The following MACROD2 variants were observed in gnomAD, a reference collection of about 807,000 sequenced individuals.
MACROD2 encodes mono-ADP ribosylhydrolase 2, also known as ADP-ribose glycohydrolase MACROD2.
Under a neutral mutation model 70.4 loss-of-function variants are expected in MACROD2, and 36 were observed. The ratio of observed to expected loss-of-function variants is 0.51; its 90% CI spans 0.39 to 0.68. MACROD2 has a LOEUF of 0.68. Ranked by LOEUF, MACROD2 falls within the 30% of genes least tolerant of loss-of-function variation. The pLI, the probability that MACROD2 is intolerant of heterozygous loss-of-function variation, is 0.00. For missense variants in MACROD2, 496 were observed against 538.4 expected (o/e 0.92, Z 0.78); for synonymous variants, 172 against 178.8 (o/e 0.96, Z 0.30).
At chr20:15,634,509 T>C (rs2049336060) in intron 8 of MACROD2, among the ~76,000 whole-genome samples, 1 of 152,210 alleles carries the variant, frequency 6.6e-6, no homozygotes, top group Admixed American at 6.5e-5. Flanking sequence ...ACGCATCTGA[T>C]CCCATGTGGC....
chr20:15,525,413 G>T (rs1321850245), intron 8 of MACROD2, among the ~76,000 whole-genome samples: 1 of 152,162 alleles, frequency 6.6e-6, no homozygotes, highest in Admixed American at 6.5e-5. Context: ...CTTTACAACA[G>T]TATGTCCAGT....
intron 3 of MACROD2, among the ~76,000 whole-genome samples, chr20:14,153,227 T>C (rs2055049687): frequency 6.6e-6 from 1 of 152,078 alleles, no homozygotes; most frequent in Non-Finnish European, 1.5e-5. Context: ...AGTAGTAAGG[T>C]GTGATTGCTT....
rs11478951 is a variant in MACROD2 at position 15,334,582 on chromosome 20, ATTT to A, written c.541-96817_541-96815del. Among the ~76,000 whole-genome samples the A allele has an allele frequency of 4.1e-3, 614 of 148,888 alleles. 11 individuals are homozygous for A. Among genetic ancestry groups the A allele is most frequent in the East Asian group, 0.011 (53 of 4,956 alleles). On this transcript the variant is annotated intron_variant, in intron 6 of 17. Coordinates refer to ENST00000684519, the MANE Select transcript of MACROD2 (RefSeq NM_001351661.2). ...GAGACAATCAAGTGGGGGAAAAATG[ATTT>A]TTTTTAAAAAAAAACTGCAAAGTGC...
intron 8 of MACROD2, among the ~76,000 whole-genome samples, chr20:15,810,108 T>C (rs550306742): frequency 1.0e-3 from 149 of 149,276 alleles, no homozygotes; most frequent in African/African-American, 3.7e-3. Context: ...AGTGAGAACA[T>C]GTGGTGTTTG....
At chr20:15,087,101 C>T (rs2075754622) in intron 5 of MACROD2, among the ~76,000 whole-genome samples, 1 of 151,596 alleles carries the variant, frequency 6.6e-6, no homozygotes, top group Non-Finnish European at 1.5e-5. Context: ...TTTATTATCT[C>T]TCTTATTTAT....
intron 4 of MACROD2, among the ~76,000 whole-genome samples, chr20:14,681,605 A>G (rs2070933430): frequency 1.3e-5 from 2 of 152,160 alleles, no homozygotes; most frequent in African/African-American, 4.8e-5. Flanking sequence ...AATTGAATGG[A>G]AAGGGCACAA....
At chr20:15,088,397 TTATATATATATATATATATATATATATA>T (rs71190173) in intron 5 of MACROD2, among the ~76,000 whole-genome samples, 25 of 111,140 alleles carry the variant, frequency 2.2e-4, no homozygotes, top group African/African-American at 6.3e-4. Flanking sequence ...ATACTATATT[TTATATATATATATATATATATATATATA>T]TATATATATA....
chr20:14,180,540 G>A (rs1238642316), intron 3 of MACROD2, among the ~76,000 whole-genome samples: 1 of 151,896 alleles, frequency 6.6e-6, no homozygotes, highest in Non-Finnish European at 1.5e-5. Flanking sequence ...AAACTTATAC[G>A]AATTTTTTAA....
At chr20:14,016,355 T>C (rs1034475585) in intron 2 of MACROD2, among the ~76,000 whole-genome samples, 14 of 152,218 alleles carry the variant, frequency 9.2e-5, no homozygotes, top group Non-Finnish European at 1.8e-4. Flanking sequence ...TCTCACACTT[T>C]GTGGGTCGTC....
intron 3 of MACROD2, among the ~76,000 whole-genome samples, chr20:14,364,522 A>G (rs908484985): frequency 1.3e-5 from 2 of 152,168 alleles, no homozygotes; most frequent in African/African-American, 4.8e-5. Context: ...AGTGTTATGC[A>G]ACCACCGCCT....
chr20:16,033,400 A>G (rs1285634361), intron 15 of MACROD2, among the ~76,000 whole-genome samples: 1 of 152,140 alleles, frequency 6.6e-6, no homozygotes, highest in African/African-American at 2.4e-5. Context: ...ATTAAGCTTC[A>G]TACATAGTAG....
intron 8 of MACROD2, among the ~76,000 whole-genome samples, chr20:15,816,320 A>G (rs1008780593): frequency 1.3e-5 from 2 of 152,238 alleles, no homozygotes; most frequent in African/African-American, 4.8e-5. Flanking sequence ...TGACTTTTGT[A>G]TGCTAGGTCA....
intron 8 of MACROD2, among the ~76,000 whole-genome samples, chr20:15,671,792 T>C (rs1172689948): frequency 6.6e-6 from 1 of 152,186 alleles, no homozygotes; most frequent in Non-Finnish European, 1.5e-5. Context: ...ACAAGTGAGG[T>C]TGAGTCTGTG....
intron 10 of MACROD2, among the ~76,000 whole-genome samples, chr20:15,920,590 C>G (rs1445664918): frequency 6.6e-6 from 1 of 152,044 alleles, no homozygotes; most frequent in African/African-American, 2.4e-5. Context: ...TCACTGTAAG[C>G]CAGAATGTCC....
intron 8 of MACROD2, among the ~76,000 whole-genome samples, chr20:15,846,911 T>TATATATA (rs1491315029): frequency 3.6e-5 from 5 of 138,162 alleles, no homozygotes; most frequent in African/African-American, 1.4e-4. Context: ...AAAAAAAAAA[T>TATATATA]TATATATATA....
intron 3 of MACROD2, among the ~76,000 whole-genome samples, chr20:14,321,711 G>A (rs1427507683): frequency 6.6e-6 from 1 of 152,120 alleles, no homozygotes; most frequent in African/African-American, 2.4e-5. Flanking sequence ...TGTCATGTTG[G>A]CATGTAGCTA....
intron 5 of MACROD2, among the ~76,000 whole-genome samples, chr20:15,161,264 T>C (rs1292234811): frequency 6.6e-6 from 1 of 151,824 alleles, no homozygotes; most frequent in Non-Finnish European, 1.5e-5. Context: ...TTGCAGGTCT[T>C]TTGGGAATGG....
chr20:14,378,078 AC>A (rs2083388963), intron 3 of MACROD2, among the ~76,000 whole-genome samples: 2 of 152,236 alleles, frequency 1.3e-5, no homozygotes, highest in African/African-American at 4.8e-5. Context: ...CATCAGAATT[AC>A]CTGGAGAGCT....
intron 4 of MACROD2, among the ~76,000 whole-genome samples, chr20:14,575,232 A>G (rs2123330512): frequency 1.3e-5 from 2 of 152,198 alleles, no homozygotes; most frequent in African/African-American, 4.8e-5. Context: ...TAAATAACTT[A>G]TTTTTAATGA....
Sources: gnomAD v4.1 joint callset for allele counts (sites outside exome capture counted in the v4.1 genomes callset) on GRCh38, gnomAD v4.1.1 for gene constraint, MANE v1.5 for transcripts, NCBI Gene and HGNC (gene_info 2026-07-23, HGNC 2026-07-21) for gene names.